Variants in SFPQ observed in about 807,000 individuals in gnomAD.
SFPQ encodes the protein splicing factor, proline- and glutamine-rich.
A neutral mutation model predicts 72.9 loss-of-function variants in SFPQ; 11 were observed. The ratio of observed to expected loss-of-function variants is 0.15; its 90% CI spans 0.09 to 0.25. The LOEUF (loss-of-function observed/expected upper bound fraction) is 0.25. SFPQ is among the 10% of genes least tolerant of loss of function. The pLI is 1.00. For missense variants in SFPQ, 847 were observed against 993.3 expected, an observed-to-expected ratio of 0.85 and a Z score of 1.98; for synonymous variants, 506 against 367.3, an observed-to-expected ratio of 1.38 and a Z score of -4.32.
rs894568428 is a variant in SFPQ at position 35,192,445 on chromosome 1, G to A, written c.605C>T (p.Pro202Leu). 7.1e-7 allele frequency: 1 copy of A among 1,408,688 alleles called. No individual in the cohort carries two copies. The highest frequency in any genetic ancestry group is 9.2e-7 in the Non-Finnish European group (1 of 1,090,292). The allele number at this position is 1,408,688 out of a possible 1,614,324, so 87.3% of individuals were successfully genotyped here. A position where few individuals can be genotyped will look rare whatever the true frequency, so the allele number is the denominator to read the frequency against. ...PGPGPGPKQG[P>L]GPGGPKGGKM... is the part of the protein sequence containing the mutation. ...GCCGCCTTTGGGACCACCCGGACCT[G>A]GGCCCTGCTTAGGCCCTGGACCCGG... Residue 202 changes from proline (P) to leucine (L), a missense_variant, in exon 1 of 10, where the codon CCA becomes CTA. This residue lies in a region of SFPQ where 498 missense variants were observed against 405.1 expected (regional missense o/e 1.23). Coordinates refer to ENST00000357214, the MANE Select transcript of SFPQ (RefSeq NM_005066.3).
At chr1:35,190,444 A>G (rs1483132629) in intron 4 of SFPQ, 54 bp downstream of exon 4, 12 of 1,268,534 alleles carry the variant, frequency 9.5e-6, no homozygotes, top group Admixed American at 2.0e-5. Flanking sequence ...ACTAAAATAA[A>G]TTTAACCTTT....
chr1:35,192,660 C>A lies in SFPQ; in HGVS notation c.390G>T (p.Ser130=), dbSNP rs948803172. The change falls in exon 1 of 10, where the codon TCG becomes TCT. Residue 130 remains serine, a synonymous_variant. Transcript: ENST00000357214. ...GVGSAPPASS[S]APPATPPTSG... Reference sequence around the variant, plus strand: ...AGGTTGGTGGAGTGGCGGGCGGGGCCGAGCTGGAGGCTGGTGGTGCGCTGC... The same window carrying A: ...AGGTTGGTGGAGTGGCGGGCGGGGCAGAGCTGGAGGCTGGTGGTGCGCTGC... 54 of 1,389,360 alleles carry A rather than the reference C, an allele frequency of 3.9e-5. No homozygotes were observed. Among genetic ancestry groups the A allele is most frequent in the Non-Finnish European group, 4.6e-5 (50 of 1,081,402 alleles). The allele number at this position is 1,389,360 out of a possible 1,614,324, so 86.1% of individuals were successfully genotyped here. A position where few individuals can be genotyped will look rare whatever the true frequency, so the allele number is the denominator to read the frequency against.
At chr1:35,178,280 G>T (rs747288724), downstream of SFPQ, 15 of 1,098,606 alleles carry the variant, frequency 1.4e-5, no homozygotes, top group Non-Finnish European at 1.7e-5. Context: ...GTAAAAGCCT[G>T]ACTCTCAGTT....
downstream of SFPQ, chr1:35,179,009 G>A (rs761460160): frequency 9.5e-7 from 1 of 1,057,816 alleles, no homozygotes; most frequent in Non-Finnish European, 1.1e-6. Context: ...TCATTATCTA[G>A]CAGCAATGAC....
Position 35,192,283 on chromosome 1 carries a change from T to A in SFPQ, c.767A>T (p.His256Leu), listed in dbSNP as rs1031858059. Residue 256 changes from histidine to leucine, a missense_variant, in exon 1 of 10, where the codon CAC (histidine) becomes CTC (leucine). Physicochemically the swap from His to Leu is moderately conservative, Grantham distance 99. Around this residue, in one of 6 missense-constraint regions of SFPQ, gnomAD observed 498 missense variants for 405.1 expected, o/e 1.23. Transcript: ENST00000357214. ...QHHPPYHQQH[H>L]QGPPPGGPGG... ...GGGCCCGCCGGGCGGGGGCCCCTGG[T>A]GATGCTGCTGGTGGTAGGGCGGGTG... 6.8e-7 allele frequency: 1 copy of A among 1,461,560 alleles called. No homozygotes were observed. The highest frequency in any genetic ancestry group is 9.0e-7 in the Non-Finnish European group (1 of 1,114,736). The allele number at this position is 1,461,560 out of a possible 1,614,324, so 90.5% of individuals were successfully genotyped here.
At chr1:35,179,758 AC>A (rs1639391066), downstream of SFPQ, 17 of 1,056,064 alleles carry the variant, frequency 1.6e-5, no homozygotes, top group Non-Finnish European at 1.9e-5. Flanking sequence ...TATATTATAT[AC>A]CAAGTACATT....
At chr1:35,187,843 CATA>C in intron 7 of SFPQ, 127 bp downstream of exon 7, 1 of 672,996 alleles carries the variant, frequency 1.5e-6, no homozygotes, top group East Asian at 2.5e-5. Flanking sequence ...GGAAATCAAA[CATA>C]ATATACTTTG....
rs528161573 is a variant in SFPQ, at chr1:35,187,154, C to T, written c.1865-32G>A. On this transcript the variant is annotated intron_variant, in intron 8 of 9. Transcript: ENST00000357214. ...AACAAAAATAGTGGTTACAACTCCA[C>T]CAGGATACTACTCTCTACTTATATC... 6.2e-6 allele frequency: 10 copies of T among 1,614,014 alleles called. No individual in the cohort carries two copies. In the African/African-American group the frequency reaches 9.3e-5, roughly 15 times the overall value.
intron 4 of SFPQ, among the ~76,000 whole-genome samples, chr1:35,190,018 TGA>T (rs1334197648): frequency 1.3e-5 from 2 of 151,642 alleles, no homozygotes; most frequent in Non-Finnish European, 2.9e-5. Flanking sequence ...CCCAGCACTT[TGA>T]GAGGCCGAGG....
downstream of SFPQ, chr1:35,179,631 G>A: frequency 1.9e-6 from 2 of 1,054,744 alleles, no homozygotes; most frequent in African/African-American, 1.7e-5. Context: ...ATTAAAGCTA[G>A]TAAGAACACA....
At chr1:35,188,113 T>TA in intron 6 of SFPQ, 23 bp from the exon 7 acceptor site, 1 of 1,507,336 alleles carries the variant, frequency 6.6e-7, no homozygotes, top group Non-Finnish European at 9.2e-7. Context: ...ATCAGGTACA[T>TA]AACTGAAGTG....
intron 9 of SFPQ, 104 bp from the exon 10 acceptor site, chr1:35,184,697 C>T: frequency 7.1e-7 from 1 of 1,402,156 alleles, no homozygotes; most frequent in Non-Finnish European, 9.3e-7. Context: ...GATACAATCA[C>T]CAATGAGTCG....
In SFPQ at chr1:35,193,141, C is replaced by T. The variant is rs974721440; in HGVS notation, c.-92G>A. 6.8e-5 allele frequency: 100 copies of T among 1,471,806 alleles called. No individual in the cohort carries two copies. The highest frequency in any genetic ancestry group is 4.3e-4 in the Admixed American group (18 of 41,542). The allele number at this position is 1,471,806 out of a possible 1,614,324, so 91.2% of individuals were successfully genotyped here. ...GCTTCTCACAAAATGGCGGATGACA[C>T]AGGCGGCGCGCCGCCTTTGTCCTCG... On this transcript the variant is annotated 5_prime_UTR_variant, in exon 1 of 10. In the 5' UTR this introduces an upstream ATG that the reference lacks. Coordinates refer to ENST00000357214, the MANE Select transcript of SFPQ (RefSeq NM_005066.3).
rs1437619254 is a variant in SFPQ at position 35,187,123 on chromosome 1, C to T, written c.1865-1G>A. 1 of 1,613,816 alleles carries T rather than the reference C, an allele frequency of 6.2e-7. No homozygotes were observed. ...TTCTGGCCTCCTGAACCATAGGGAT[C>T]TAGAAAACAAAAATAGTGGTTACAA... is the stretch of plus-strand genomic sequence containing the variant. On this transcript the variant is annotated splice_acceptor_variant, in intron 8 of 9. Transcript: ENST00000357214. LOFTEE classifies it high-confidence loss of function.
chr1:35,188,243 T>C (rs1018021367), intron 6 of SFPQ, among the ~76,000 whole-genome samples, 153 bp from the exon 7 acceptor site: 5 of 152,232 alleles, frequency 3.3e-5, no homozygotes, highest in Admixed American at 6.5e-5. Context: ...AAAGACATTC[T>C]GGCAAATAAT....
At chr1:35,185,768 G>GT (rs1165045801) in intron 9 of SFPQ, among the ~76,000 whole-genome samples, 1 of 151,884 alleles carries the variant, frequency 6.6e-6, no homozygotes, top group Admixed American at 6.6e-5. Context: ...TAAATTACAG[G>GT]GTTTTTGGCT....
Position 35,192,293 on chromosome 1 carries a change from G to C in SFPQ, c.757C>G (p.Gln253Glu). Residue 253 changes from glutamine (Q) to glutamate (E), a missense_variant, in exon 1 of 10, where the codon CAG (glutamine) becomes GAG (glutamate). Physicochemically the swap from Gln to Glu is conservative, Grantham distance 29. Transcript: ENST00000357214. ...GGRQHHPPYH[Q>E]QHHQGPPPGG... Reference sequence around the variant, plus strand: ...GGCGGGGGCCCCTGGTGATGCTGCTGGTGGTAGGGCGGGTGGTGCTGGCGG... The same window carrying C: ...GGCGGGGGCCCCTGGTGATGCTGCTCGTGGTAGGGCGGGTGGTGCTGGCGG... The C allele has an allele frequency of 6.8e-7, 1 of 1,461,250 alleles. No homozygotes were observed. The highest frequency in any genetic ancestry group is 3.1e-5 in the East Asian group (1 of 32,660). The allele number at this position is 1,461,250 out of a possible 1,614,324, so 90.5% of individuals were successfully genotyped here.
Position 35,184,361 on chromosome 1 carries a change from A to G in SFPQ, c.*95T>C. The G allele has an allele frequency of 1.3e-6, 2 of 1,563,972 alleles. No individual in the cohort carries two copies. The highest frequency in any genetic ancestry group is 1.7e-6 in the Non-Finnish European group (2 of 1,163,456). On this transcript the variant is annotated 3_prime_UTR_variant, in exon 10 of 10. Coordinates refer to ENST00000357214, the MANE Select transcript of SFPQ (RefSeq NM_005066.3). ...GGTCAATAAACTGCTAACATCCATAAAAAGATAGCTTTCTTACTAAAATGC... is the reference window on the plus strand; with the variant it reads ...GGTCAATAAACTGCTAACATCCATAGAAAGATAGCTTTCTTACTAAAATGC...
chr1:35,191,395 T>G lies in SFPQ; in HGVS notation c.963A>C (p.Gly321=), dbSNP rs1049774951. Residue 321 remains glycine (G), a synonymous_variant, in exon 2 of 10, where the codon GGA becomes GGC. Coordinates refer to ENST00000357214, the MANE Select transcript of SFPQ (RefSeq NM_005066.3). ...TGTTGATAAAAACTTCTCCTGGTTC[T>G]CCATATTTAGCAAATAGTCTTTTGA... ...DEFKRLFAKY[G]EPGEVFINKG... is the part of the protein sequence containing the mutation. 6.2e-7 allele frequency: 1 copy of G among 1,614,116 alleles called. No individual in the cohort carries two copies. Among genetic ancestry groups the G allele is most frequent in the Admixed American group, 1.7e-5 (1 of 60,022 alleles).
Sources: gnomAD v4.1 joint callset for allele counts (sites outside exome capture counted in the v4.1 genomes callset) on GRCh38, gnomAD v4.1.1 for gene constraint, gnomAD v4.1.1 regional missense constraint, MANE v1.5 for transcripts, NCBI Gene and HGNC (gene_info 2026-07-23, HGNC 2026-07-21) for gene names.